RELN: variants seen among roughly 807,000 people sequenced by gnomAD.
RELN encodes the protein reelin.
A neutral mutation model predicts 427.6 loss-of-function variants in RELN; 108 were observed. The observed-to-expected ratio is 0.25, with a 90% CI of 0.22 to 0.30. The LOEUF (loss-of-function observed/expected upper bound fraction) is 0.30, where lower values mean the gene tolerates loss of function less well. Among genes scored for constraint, RELN ranks in the 10% least tolerant of loss-of-function variants. The probability of loss-of-function intolerance (pLI) is 1.00; values close to 1 mark genes in which losing one functional copy is unlikely to be tolerated. For synonymous variants in RELN, 1,524 were observed against 1,513.4 expected (o/e 1.01, Z -0.16); for missense variants, 3,715 against 4,302.8 (o/e 0.86, Z 3.82).
Position 103,637,540 on chromosome 7 carries a change from A to G in RELN, c.2070-1072T>C, listed in dbSNP as rs533626496. 1.8e-4 allele frequency among the ~76,000 whole-genome samples: 28 copies of G among 152,294 alleles called. No individual in the cohort carries two copies. In the South Asian group the frequency reaches 5.2e-3, roughly 28 times the overall value. ...TTTATGTATATTGGATTTTCTGGGGAGAAGGTCCATAGGTTTTATCAGATT... is the reference window on the plus strand; with the variant it reads ...TTTATGTATATTGGATTTTCTGGGGGGAAGGTCCATAGGTTTTATCAGATT... On this transcript the variant is annotated intron_variant, in intron 17 of 64. Coordinates refer to ENST00000428762, the MANE Select transcript of RELN (RefSeq NM_005045.4).
rs571011692 is a variant in RELN, at chr7:103,522,340, C to T, written c.7491-141G>A. 54 of 770,408 alleles carry T rather than the reference C, an allele frequency of 7.0e-5. No individual in the cohort carries two copies. The African/African-American group carries it at 8.8e-4, about 13-fold the overall frequency. The allele number at this position is 770,408 out of a possible 1,614,324, so 47.7% of individuals were successfully genotyped here. Reference sequence around the variant, plus strand: ...TTTTCAGAGAGCTTGCCAGAATACACCTGCTCTCCTTAACTGTACTTTAGG... The same window carrying T: ...TTTTCAGAGAGCTTGCCAGAATACATCTGCTCTCCTTAACTGTACTTTAGG... On this transcript the variant is annotated intron_variant, in intron 47 of 64. Transcript: ENST00000428762.
intron 2 of RELN, among the ~76,000 whole-genome samples, chr7:103,887,958 G>C (rs1335613818): frequency 6.6e-6 from 1 of 152,106 alleles, no homozygotes; most frequent in Non-Finnish European, 1.5e-5. Context: ...GGGAGTTCCA[G>C]GGAAAACCCT....
intron 48 of RELN, among the ~76,000 whole-genome samples, chr7:103,520,475 C>G (rs1829674362): frequency 6.6e-6 from 1 of 151,958 alleles, no homozygotes; most frequent in Admixed American, 6.6e-5. Flanking sequence ...GGGGTTTCAC[C>G]ATGTTGGCCA....
intron 1 of RELN, among the ~76,000 whole-genome samples, chr7:103,928,634 A>T (rs1426170280): frequency 6.6e-6 from 1 of 152,244 alleles, no homozygotes; most frequent in Non-Finnish European, 1.5e-5. Flanking sequence ...CACTACAGTA[A>T]GAAGCCACTT....
At chr7:103,586,768 T>C (rs1215688637) in intron 28 of RELN, among the ~76,000 whole-genome samples, 1 of 152,086 alleles carries the variant, frequency 6.6e-6, no homozygotes, top group African/African-American at 2.4e-5. Flanking sequence ...AAATCAAGAA[T>C]TCAATCCCAT....
rs768948021 is a variant in RELN, at chr7:103,566,611, T to C, written c.4737A>G (p.Gln1579=). 7.4e-6 allele frequency: 12 copies of C among 1,614,144 alleles called. No homozygotes were observed. The highest frequency in any genetic ancestry group is 1.1e-5 in the South Asian group (1 of 91,086). ...KTPATAFRWW[Q]PQHGKHSAQW... ...TGAGCAGTAACTTACCATGTTGCGG[T>C]TGCCACCATCGAAATGCCGTTGCAG... Residue 1579 remains glutamine, a synonymous_variant, in exon 32 of 65, where the codon CAA becomes CAG. Transcript: ENST00000428762.
chr7:103,971,152 CA>C (rs559162833), intron 1 of RELN, among the ~76,000 whole-genome samples: 19,563 of 81,050 alleles, frequency 0.24, 2,473 homozygotes, highest in African/African-American at 0.48. Flanking sequence ...GACTCTATCT[CA>C]AAAAAAAAAA....
At chr7:103,688,057 T>C (rs1833799543) in intron 10 of RELN, among the ~76,000 whole-genome samples, 1 of 152,090 alleles carries the variant, frequency 6.6e-6, no homozygotes, top group Non-Finnish European at 1.5e-5. Context: ...CAATATCTTA[T>C]ACCCACCTCT....
intron 2 of RELN, among the ~76,000 whole-genome samples, chr7:103,851,534 G>A (rs527803241): frequency 3.1e-4 from 47 of 152,268 alleles, no homozygotes; most frequent in African/African-American, 1.0e-3. Context: ...TTATATGCAA[G>A]CAAGCAATGT....
At chr7:103,846,181 T>C (rs1245046678) in intron 2 of RELN, among the ~76,000 whole-genome samples, 3 of 152,138 alleles carry the variant, frequency 2.0e-5, no homozygotes, top group African/African-American at 4.8e-5. Context: ...CTTCAAACTA[T>C]ACTACAAGGC....
At chr7:103,728,453 T>C (rs563053789) in intron 6 of RELN, among the ~76,000 whole-genome samples, 1 of 152,230 alleles carries the variant, frequency 6.6e-6, no homozygotes, top group Non-Finnish European at 1.5e-5. Context: ...AAGTTTCAGT[T>C]TCCTCACCTG....
Position 103,502,698 on chromosome 7 carries a change from T to C in RELN, c.8489+318A>G, listed in dbSNP as rs74988109. Among the ~76,000 whole-genome samples, 255 of 152,300 alleles carry C rather than the reference T, an allele frequency of 1.7e-3. 1 individual carries two copies. The highest frequency in any genetic ancestry group is 5.9e-3 in the African/African-American group (244 of 41,578). On this transcript the variant is annotated intron_variant, in intron 52 of 64. Coordinates refer to ENST00000428762, the MANE Select transcript of RELN (RefSeq NM_005045.4). ...GCACAGAGGTCCACAGTCTACAAGG[T>C]TGAGAAGGTAGGGTACACCTTTTCA...
At chr7:103,516,008 G>A (rs1829558931) in intron 49 of RELN, among the ~76,000 whole-genome samples, 1 of 152,090 alleles carries the variant, frequency 6.6e-6, no homozygotes, top group Non-Finnish European at 1.5e-5. Flanking sequence ...ATTTAAAATT[G>A]TATATATTCA....
intron 2 of RELN, among the ~76,000 whole-genome samples, chr7:103,894,175 C>T (rs1361454114): frequency 5.9e-5 from 9 of 152,058 alleles, no homozygotes; most frequent in East Asian, 5.8e-4. Flanking sequence ...TCTATGAAAC[C>T]AGAGTTTTAC....
At chr7:103,665,233 C>T (rs1833234459) in intron 11 of RELN, among the ~76,000 whole-genome samples, 1 of 152,070 alleles carries the variant, frequency 6.6e-6, no homozygotes, top group African/African-American at 2.4e-5. Context: ...TAACAATCCC[C>T]TATAAACGTG....
intron 6 of RELN, among the ~76,000 whole-genome samples, chr7:103,748,273 G>A (rs1415278136): frequency 6.6e-6 from 1 of 151,664 alleles, no homozygotes; most frequent in Admixed American, 6.6e-5. Context: ...TTTATGACTA[G>A]ACTTTCTGGC....
chr7:103,844,370 G>A (rs1793626217), intron 2 of RELN, among the ~76,000 whole-genome samples: 1 of 152,226 alleles, frequency 6.6e-6, no homozygotes, highest in Admixed American at 6.5e-5. Context: ...CCATGATTCA[G>A]ACTTCTGCCT....
In RELN at chr7:103,953,546, AATATTAAAT is replaced by A. The variant is rs1204764207; in HGVS notation, c.226+35576_226+35584del. ...CACACACACAGAATTTTATATAAAG[AATATTAAAT>A]ATGCCAATCTAAATACCAAATGAGA... On this transcript the variant is annotated intron_variant, in intron 1 of 64. Coordinates refer to ENST00000428762, the MANE Select transcript of RELN (RefSeq NM_005045.4). This position sits in a 1 kb window ranked among gnomAD's most constrained non-coding sequence, Gnocchi z 4.3. 6.6e-6 allele frequency among the ~76,000 whole-genome samples: 1 copy of A among 152,248 alleles called. No individual in the cohort carries two copies. The highest frequency in any genetic ancestry group is 2.4e-5 in the African/African-American group (1 of 41,466).
chr7:103,561,701 C>G lies in RELN; in HGVS notation c.5360G>C (p.Arg1787Pro), dbSNP rs372887562. ...AACACAATAGGGTCCACCAAAGCCCCGGTCACACCTAAGAAAGAGAGGGAG... is the reference window on the plus strand; with the variant it reads ...AACACAATAGGGTCCACCAAAGCCCGGGTCACACCTAAGAAAGAGAGGGAG... The part of the protein sequence containing the change: ...ICDAGRCVCD[R>P]GFGGPYCVPV... Residue 1787 changes from arginine to proline, a missense_variant, in exon 36 of 65, where the codon CGG becomes CCG. By Grantham distance (103) the Arg-to-Pro change is moderately radical. This residue lies in a region of RELN where 2,208 missense variants were observed against 2,361.7 expected (regional missense o/e 0.93). Transcript: ENST00000428762. The G allele has an allele frequency of 2.7e-5, 43 of 1,613,754 alleles. No individual in the cohort carries two copies. Among genetic ancestry groups the G allele is most frequent in the Non-Finnish European group, 3.4e-5 (40 of 1,179,924 alleles).
Sources: allele counts gnomAD v4.1 joint callset (sites outside exome capture counted in the v4.1 genomes callset), GRCh38; gene constraint gnomAD v4.1.1; regional missense constraint gnomAD v4.1.1; non-coding constraint Gnocchi (gnomAD v3.1); transcripts MANE v1.5; gene names NCBI Gene and HGNC (gene_info 2026-07-23, HGNC 2026-07-21).